The following TMEM135 variants were observed in gnomAD, a reference collection of about 807,000 sequenced individuals.
TMEM135 encodes the protein peroxisomal membrane protein 52.
Under a neutral mutation model 60.3 loss-of-function variants are expected in TMEM135, and 30 were observed. That is an observed-to-expected ratio of 0.50 (90% CI 0.37 to 0.68). The LOEUF (loss-of-function observed/expected upper bound fraction) is 0.68. Ranked by LOEUF, TMEM135 falls within the 30% of genes least tolerant of loss-of-function variation. The pLI, the probability that TMEM135 is intolerant of heterozygous loss-of-function variation, is 0.00. For synonymous variants in TMEM135, 190 were observed against 186.7 expected, an observed-to-expected ratio of 1.02 and a Z score of -0.14; for missense variants, 468 against 548.8, an observed-to-expected ratio of 0.85 and a Z score of 1.47.
intron 1 of TMEM135, among the ~76,000 whole-genome samples, chr11:87,045,366 G>T (rs553571019): frequency 6.6e-6 from 1 of 152,184 alleles, no homozygotes; most frequent in South Asian, 2.1e-4. Context: ...GTTATTCTTT[G>T]GCTGCTCTCT....
chr11:87,098,170 C>A (rs901617950), intron 4 of TMEM135, among the ~76,000 whole-genome samples: 1 of 150,810 alleles, frequency 6.6e-6, no homozygotes, highest in African/African-American at 2.4e-5. Context: ...AAAAATCAGA[C>A]CTTGGCGATG....
At chr11:87,228,926 G>A (rs1940826907) in intron 5 of TMEM135, among the ~76,000 whole-genome samples, 1 of 152,044 alleles carries the variant, frequency 6.6e-6, no homozygotes, top group Admixed American at 6.6e-5. Context: ...CTGCTTGTGA[G>A]GCATAGTTTT....
chr11:87,326,515 A>C lies in TMEM135; in HGVS notation c.*5182A>C, dbSNP rs930652455. On this transcript the variant is annotated 3_prime_UTR_variant, in exon 15 of 15. Coordinates refer to ENST00000305494, the MANE Select transcript of TMEM135 (RefSeq NM_022918.4). The stretch of plus-strand genomic sequence containing the variant: ...TATAGTGCCAAAGGTTTAAAGCATG[A>C]AGTACATTCTGTGGTTGGTCATTAT... The C allele has an allele frequency of 4.4e-5, 20 of 453,992 alleles. No homozygotes were observed. The highest frequency in any genetic ancestry group is 3.6e-4 in the African/African-American group (18 of 50,004). 28.1% of individuals were successfully genotyped at this position (453,992 alleles called of 1,614,324 possible).
chr11:87,177,119 A>C (rs1939391221), intron 5 of TMEM135, among the ~76,000 whole-genome samples: 1 of 152,200 alleles, frequency 6.6e-6, no homozygotes, highest in African/African-American at 2.4e-5. Context: ...TAATGAGAGC[A>C]CATAGGGCAT....
At chr11:87,160,052 G>A (rs188060654) in intron 5 of TMEM135, among the ~76,000 whole-genome samples, 3 of 152,212 alleles carry the variant, frequency 2.0e-5, no homozygotes, top group African/African-American at 7.2e-5. Flanking sequence ...TTTGTTAAGC[G>A]GGGATTCATA....
intron 5 of TMEM135, among the ~76,000 whole-genome samples, chr11:87,214,619 T>C (rs2135346959): frequency 6.6e-6 from 1 of 152,216 alleles, no homozygotes; most frequent in East Asian, 1.9e-4. Context: ...AGGCAAAATA[T>C]GTATAAACTA....
intron 4 of TMEM135, among the ~76,000 whole-genome samples, chr11:87,129,592 G>T (rs1937854297): frequency 6.8e-6 from 1 of 147,518 alleles, no homozygotes; most frequent in South Asian, 2.2e-4. Flanking sequence ...CCAGGCTGGA[G>T]TGGAGTGGGG....
intron 5 of TMEM135, among the ~76,000 whole-genome samples, chr11:87,188,417 G>GT (rs1182984777): frequency 6.6e-6 from 1 of 151,860 alleles, no homozygotes; most frequent in East Asian, 1.9e-4. Flanking sequence ...AATAATAGAA[G>GT]CGGCCTGGGC....
At chr11:87,047,467 C>T (rs1230120153) in intron 1 of TMEM135, among the ~76,000 whole-genome samples, 15 of 151,074 alleles carry the variant, frequency 9.9e-5, no homozygotes. Flanking sequence ...GCGCACCGTG[C>T]GCGAGCCGAA....
chr11:87,284,918 T>G (rs1426599634), intron 6 of TMEM135, among the ~76,000 whole-genome samples: 1 of 152,240 alleles, frequency 6.6e-6, no homozygotes, highest in African/African-American at 2.4e-5. Context: ...CATTTTATTA[T>G]TCAAACAAAA....
intron 5 of TMEM135, among the ~76,000 whole-genome samples, chr11:87,162,445 C>T (rs758269518): frequency 5.3e-5 from 8 of 152,100 alleles, no homozygotes; most frequent in Non-Finnish European, 1.2e-4. Flanking sequence ...TTGTTCAACT[C>T]CCATTTATGA....
chr11:87,110,178 G>A (rs960344086), intron 4 of TMEM135, among the ~76,000 whole-genome samples: 6 of 152,118 alleles, frequency 3.9e-5, no homozygotes, highest in African/African-American at 1.2e-4. Flanking sequence ...GCAGTTCTCC[G>A]TGGTATTATT....
At chr11:87,102,608 CTTT>C (rs982630234) in intron 4 of TMEM135, among the ~76,000 whole-genome samples, 1 of 150,830 alleles carries the variant, frequency 6.6e-6, no homozygotes, top group African/African-American at 2.4e-5. Flanking sequence ...ATTTTTATTT[CTTT>C]TTAAGTTATT....
chr11:87,289,197 C>G (rs1282394362), intron 6 of TMEM135, among the ~76,000 whole-genome samples: 1 of 152,048 alleles, frequency 6.6e-6, no homozygotes, highest in African/African-American at 2.4e-5. Context: ...TGTACATATT[C>G]ATGGGAGTAT....
rs553113344 is a variant in TMEM135, at chr11:87,248,227, T to C, written c.509+11543T>C. 9.2e-5 allele frequency among the ~76,000 whole-genome samples: 14 copies of C among 152,308 alleles called. No homozygotes were observed. In the South Asian group the frequency reaches 2.7e-3, roughly 29 times the overall value. On this transcript the variant is annotated intron_variant, in intron 6 of 14. Transcript: ENST00000305494. ...TTTGGGAGTACACCTAGCAGTGAGATTGCTGTTTCATATTGTAGTTCTATT... is the reference window on the plus strand; with the variant it reads ...TTTGGGAGTACACCTAGCAGTGAGACTGCTGTTTCATATTGTAGTTCTATT...
intron 6 of TMEM135, among the ~76,000 whole-genome samples, chr11:87,244,698 C>G (rs1177053602): frequency 7.6e-6 from 1 of 131,100 alleles, no homozygotes; most frequent in African/African-American, 2.9e-5. Flanking sequence ...GTGGTGATAT[C>G]CCCTTTATCA....
chr11:87,068,291 T>C (rs1049104319), intron 2 of TMEM135, among the ~76,000 whole-genome samples: 1 of 152,212 alleles, frequency 6.6e-6, no homozygotes. Context: ...TTCAGTCTTA[T>C]ATATATTACC....
At position 87,272,941 on chromosome 11, in the gene TMEM135, A is replaced by G. The variant is rs185954015; in HGVS notation, c.510-22841A>G. On this transcript the variant is annotated intron_variant, in intron 6 of 14. Transcript: ENST00000305494. ...CATTAACCATACTCTGAAAGAATTT[A>G]GCCTGTAAGCTTTTAGGCTATAGCC... Among the ~76,000 whole-genome samples the G allele has an allele frequency of 4.5e-3, 681 of 152,342 alleles. 6 individuals are homozygous for G. Among genetic ancestry groups the G allele is most frequent in the Non-Finnish European group, 7.6e-3 (520 of 68,026 alleles).
chr11:87,149,665 C>T (rs530175992), intron 4 of TMEM135, among the ~76,000 whole-genome samples: 212 of 152,288 alleles, frequency 1.4e-3, no homozygotes, highest in African/African-American at 5.0e-3. Flanking sequence ...TAAATATCTT[C>T]TCTCCTAAAA....
Sources: allele counts gnomAD v4.1 joint callset (sites outside exome capture counted in the v4.1 genomes callset), GRCh38; gene constraint gnomAD v4.1.1; transcripts MANE v1.5; gene names NCBI Gene and HGNC (gene_info 2026-07-23, HGNC 2026-07-21).